KLHDC4: variants seen among roughly 807,000 people sequenced by gnomAD.
KLHDC4 encodes the protein kelch domain containing 4, also known as kelch domain-containing protein 4.
Under a neutral mutation model 62.4 loss-of-function variants are expected in KLHDC4, and 90 were observed. That is an observed-to-expected ratio of 1.44 (90% CI 1.22 to 1.72). The LOEUF (loss-of-function observed/expected upper bound fraction) is 1.72, where lower values mean the gene tolerates loss of function less well. Among genes scored for constraint, KLHDC4 ranks in the 40% most tolerant of loss-of-function variants. The pLI is 0.00. For synonymous variants in KLHDC4, 386 were observed against 284.4 expected (o/e 1.36, Z -3.59); for missense variants, 1,025 against 699.7 (o/e 1.47, Z -5.25).
chr16:87,704,591 G>T (rs565907904), downstream of KLHDC4, among the ~76,000 whole-genome samples: 1 of 145,794 alleles, frequency 6.9e-6, no homozygotes, highest in Non-Finnish European at 1.5e-5. Context: ...TGAACGTCAC[G>T]GAGAAGGAGG....
intron 3 of KLHDC4, chr16:87,755,526 T>A: frequency 5.0e-6 from 2 of 396,322 alleles, no homozygotes; most frequent in East Asian, 5.5e-5. Context: ...AAAGCCCTCG[T>A]TGTTATTAGG....
chr16:87,715,699 T>C (rs1423170720), intron 7 of KLHDC4, among the ~76,000 whole-genome samples: 1 of 152,166 alleles, frequency 6.6e-6, no homozygotes, highest in Non-Finnish European at 1.5e-5. Flanking sequence ...GAAGTGCCCA[T>C]CTCATCACAT....
At chr16:87,719,280 T>G (rs938002339) in intron 7 of KLHDC4, among the ~76,000 whole-genome samples, 3 of 152,366 alleles carry the variant, frequency 2.0e-5, no homozygotes, top group Non-Finnish European at 1.5e-5. Flanking sequence ...TGTGTCTGTG[T>G]GCAAAGAGGT....
intron 1 of KLHDC4, chr16:87,765,270 G>C: frequency 2.2e-6 from 1 of 456,090 alleles, no homozygotes; most frequent in South Asian, 1.5e-5. Context: ...GATACCCCGT[G>C]GCTCCAGTGC....
intron 6 of KLHDC4, 32 bp downstream of exon 6, chr16:87,730,520 G>C: frequency 6.4e-7 from 1 of 1,555,568 alleles, no homozygotes; most frequent in Non-Finnish European, 8.8e-7. Context: ...AATGCTTCAG[G>C]AGAGAAAGAT....
intron 9 of KLHDC4, chr16:87,710,985 C>T (rs2035690449): frequency 3.9e-6 from 2 of 511,786 alleles, no homozygotes; most frequent in Admixed American, 3.2e-5. Flanking sequence ...TCCCGGGCAC[C>T]TCAGCCCAGG....
In KLHDC4 at chr16:87,756,495, G is replaced by A. The variant is rs773078473; in HGVS notation, c.192-18C>T. On this transcript the variant is annotated intron_variant, in intron 2 of 11. Transcript: ENST00000270583. ...CATTTAACCTACAAGACACACAAGCGGCAGGTCAGCAAGATCACCCCCGAT... is the reference window on the plus strand; with the variant it reads ...CATTTAACCTACAAGACACACAAGCAGCAGGTCAGCAAGATCACCCCCGAT... 1.9e-5 allele frequency: 30 copies of A among 1,602,810 alleles called. No homozygotes were observed. Among genetic ancestry groups the A allele is most frequent in the South Asian group, 3.3e-5 (3 of 90,740 alleles).
intron 7 of KLHDC4, among the ~76,000 whole-genome samples, chr16:87,724,578 GA>G (rs1224078356): frequency 6.6e-6 from 1 of 152,148 alleles, no homozygotes; most frequent in African/African-American, 2.4e-5. Context: ...ACAAGCTCAT[GA>G]AAAGCACTCA....
In KLHDC4 at chr16:87,709,564, T is replaced by TCCTTGACTTG. The variant is rs759108558; in HGVS notation, c.1147_1148insCAAGTCAAGG (p.Gln383ProfsTer20). 1.7e-5 allele frequency: 28 copies of TCCTTGACTTG among 1,612,930 alleles called. No homozygotes were observed. In the Admixed American group the frequency reaches 4.5e-4, roughly 26 times the overall value. ...CTCGGCCACCACCTCCTTGACCAGC[T>TCCTTGACTTG]GCACAGGCCCCTGGGTGCCAGCTCC... On this transcript the variant is annotated frameshift_variant, in exon 10 of 12. Transcript: ENST00000270583. LOFTEE classifies it high-confidence loss of function.
rs554952234 is a variant in KLHDC4 at position 87,723,231 on chromosome 16, C to G, written c.759+3534G>C. Among the ~76,000 whole-genome samples the G allele has an allele frequency of 1.1e-4, 17 of 152,368 alleles. No homozygotes were observed. The South Asian group carries it at 3.3e-3, about 30-fold the overall frequency. On this transcript the variant is annotated intron_variant, in intron 7 of 11. Coordinates refer to ENST00000270583, the MANE Select transcript of KLHDC4 (RefSeq NM_017566.4). ...TTTACACTCCAAACCATTCACAACT[C>G]AAATCTCTCGCTAATTCTGATAAAT...
At chr16:87,756,964 C>A (rs1198533423) in intron 2 of KLHDC4, among the ~76,000 whole-genome samples, 1 of 151,924 alleles carries the variant, frequency 6.6e-6, no homozygotes, top group Non-Finnish European at 1.5e-5. Context: ...CAGGTGCCCA[C>A]CACCACACCC....
At chr16:87,713,915 A>C in intron 8 of KLHDC4, among the ~76,000 whole-genome samples, 1 of 135,518 alleles carries the variant, frequency 7.4e-6, no homozygotes, top group African/African-American at 2.6e-5. Context: ...AACAGCCCCG[A>C]GTTCAGTAAC....
At chr16:87,761,875 G>A in intron 2 of KLHDC4, 74 bp downstream of exon 2, 4 of 1,393,168 alleles carry the variant, frequency 2.9e-6, no homozygotes, top group Non-Finnish European at 4.0e-6. Flanking sequence ...TACGAAACCT[G>A]GTGCTATTTA....
chr16:87,761,262 G>C (rs897360300), intron 2 of KLHDC4, among the ~76,000 whole-genome samples: 15 of 152,180 alleles, frequency 9.9e-5, no homozygotes, highest in African/African-American at 3.1e-4. Context: ...TCTGAGGCCG[G>C]TGGGTGGGAC....
Position 87,764,408 on chromosome 16 carries a change from G to C in KLHDC4, c.99+1384C>G, listed in dbSNP as rs566411526. On this transcript the variant is annotated intron_variant, in intron 1 of 11. Coordinates refer to ENST00000270583, the MANE Select transcript of KLHDC4 (RefSeq NM_017566.4). ...TTACGGCTTGTAATCCCAGCACTTT[G>C]GGAGGCCGAGGCGAGCGCATCACCT... Among the ~76,000 whole-genome samples, 4 of 152,164 alleles carry C rather than the reference G, an allele frequency of 2.6e-5. No individual in the cohort carries two copies. The South Asian group carries it at 8.3e-4, about 32-fold the overall frequency.
At chr16:87,718,790 G>C (rs899866906) in intron 7 of KLHDC4, among the ~76,000 whole-genome samples, 299 of 151,016 alleles carry the variant, frequency 2.0e-3, no homozygotes, top group Non-Finnish European at 3.6e-3. Context: ...GAGCGTCTCT[G>C]ACCGGCCGCC....
At chr16:87,729,937 G>A (rs566538898) in intron 6 of KLHDC4, among the ~76,000 whole-genome samples, 6 of 152,190 alleles carry the variant, frequency 3.9e-5, no homozygotes, top group Non-Finnish European at 8.8e-5. Flanking sequence ...TAAGGTTTGA[G>A]AATCCCATTT....
At chr16:87,700,086 T>C (rs1342533788) in exon 1 of KLHDC4, 1 of 152,402 alleles carries the variant, frequency 6.6e-6, no homozygotes, top group Non-Finnish European at 1.5e-5. Context: ...CGTGTGCGGG[T>C]GGCAACTCCC....
chr16:87,752,044 C>T (rs151281973), intron 4 of KLHDC4, among the ~76,000 whole-genome samples: 27,785 of 135,136 alleles, frequency 0.21, 2,957 homozygotes, highest in South Asian at 0.31. Context: ...GAGCCGAGAT[C>T]GCGCCACTGC....
Sources: allele counts gnomAD v4.1 joint callset (sites outside exome capture counted in the v4.1 genomes callset), GRCh38; gene constraint gnomAD v4.1.1; transcripts MANE v1.5; gene names NCBI Gene and HGNC (gene_info 2026-07-23, HGNC 2026-07-21).